Variants in ZNF90 observed in about 807,000 individuals in gnomAD.
ZNF90 encodes zinc finger protein HTF9.
A neutral mutation model predicts 12.0 loss-of-function variants in ZNF90; 11 were observed. That is an observed-to-expected ratio of 0.92 (90% CI 0.58 to 1.52). The LOEUF (loss-of-function observed/expected upper bound fraction) is 1.52, where lower values mean the gene tolerates loss of function less well. ZNF90 is among the 40% of genes most tolerant of loss of function. The probability of loss-of-function intolerance (pLI) is 0.00; values close to 1 mark genes in which losing one functional copy is unlikely to be tolerated. For synonymous variants in ZNF90, 232 were observed against 240.1 expected (o/e 0.97, Z 0.31); for missense variants, 765 against 711.5 (o/e 1.08, Z -0.86).
At chr19:20,113,911 A>G (rs2089113935) in intron 3 of ZNF90, among the ~76,000 whole-genome samples, 1 of 152,196 alleles carries the variant, frequency 6.6e-6, no homozygotes, top group South Asian at 2.1e-4. Flanking sequence ...ATTTGAAGAT[A>G]ATTTCAAAAC....
intron 1 of ZNF90, among the ~76,000 whole-genome samples, chr19:20,079,532 G>A (rs1433764668): frequency 6.6e-6 from 1 of 152,128 alleles, no homozygotes; most frequent in Non-Finnish European, 1.5e-5. Flanking sequence ...TTGCAAAAAC[G>A]TAGGCAGAAA....
At chr19:20,095,552 A>T (rs947592334) in intron 1 of ZNF90, among the ~76,000 whole-genome samples, 1 of 151,976 alleles carries the variant, frequency 6.6e-6, no homozygotes, top group African/African-American at 2.4e-5. Flanking sequence ...ACCCTCCAGA[A>T]AAGCAGGAAG....
chr19:20,115,579 A>G lies in ZNF90; in HGVS notation c.227-2202A>G, dbSNP rs190290089. Among the ~76,000 whole-genome samples, 315 of 152,060 alleles carry G rather than the reference A, an allele frequency of 2.1e-3. 1 individual carries two copies. Among genetic ancestry groups the G allele is most frequent in the Middle Eastern group, 0.02 (6 of 294 alleles). On this transcript the variant is annotated intron_variant, in intron 3 of 3. Coordinates refer to ENST00000418063, the MANE Select transcript of ZNF90 (RefSeq NM_007138.2). ...AAAAAAATAACTTAAGTTATATGCAAAAATTCTTCATCATTACATCTGCTG... is the reference window on the plus strand; with the variant it reads ...AAAAAAATAACTTAAGTTATATGCAGAAATTCTTCATCATTACATCTGCTG...
At chr19:20,099,592 C>T (rs1221589655) in intron 1 of ZNF90, among the ~76,000 whole-genome samples, 1 of 152,296 alleles carries the variant, frequency 6.6e-6, no homozygotes, top group East Asian at 1.9e-4. Flanking sequence ...GACAACTGTC[C>T]TCCAGATCTG....
At chr19:20,117,359 GTTTCTTTTCTTTTTTTTCCTTTCT>G (rs1189291531) in intron 3 of ZNF90, among the ~76,000 whole-genome samples, 2 of 150,256 alleles carry the variant, frequency 1.3e-5, no homozygotes, top group Non-Finnish European at 3.0e-5. Flanking sequence ...TCTTTGTTTC[GTTTCTTTTCTTTTTTTTCCTTTCT>G]TTTCTTTTCT....
At chr19:20,108,852 G>T (rs554540417) in intron 3 of ZNF90, among the ~76,000 whole-genome samples, 4 of 146,378 alleles carry the variant, frequency 2.7e-5, no homozygotes, top group Admixed American at 1.4e-4. Context: ...TCAGCTTCCC[G>T]AGTAGCTGGG....
At chr19:20,088,274 G>A (rs559848350) in intron 1 of ZNF90, among the ~76,000 whole-genome samples, 19 of 152,198 alleles carry the variant, frequency 1.2e-4, no homozygotes, top group Non-Finnish European at 2.4e-4. Context: ...TTGGGGGGGC[G>A]TGGGAACCTA....
At chr19:20,080,060 C>G (rs547339588) in intron 1 of ZNF90, 1 of 334,234 alleles carries the variant, frequency 3.0e-6, no homozygotes, top group South Asian at 2.5e-5. Flanking sequence ...CTCAGCCTCC[C>G]GAGTAGCTGG....
At chr19:20,107,058 G>C (rs551323998) in intron 3 of ZNF90, 17 of 451,974 alleles carry the variant, frequency 3.8e-5, no homozygotes, top group South Asian at 2.3e-4. Flanking sequence ...GTATGGCTCT[G>C]ACTGAGTACC....
chr19:20,106,929 T>C (rs2089044399), intron 3 of ZNF90: 1 of 454,594 alleles, frequency 2.2e-6, no homozygotes, highest in Non-Finnish European at 4.4e-6. Context: ...GTTGTAATTC[T>C]CATTTTATTT....
chr19:20,102,506 G>A (rs1555703989), intron 1 of ZNF90, among the ~76,000 whole-genome samples: 1 of 152,154 alleles, frequency 6.6e-6, no homozygotes, highest in Non-Finnish European at 1.5e-5. Flanking sequence ...CCCCTCCCTT[G>A]CCCAAGTGTA....
At chr19:20,082,002 G>A (rs2088824090) in intron 1 of ZNF90, among the ~76,000 whole-genome samples, 1 of 151,954 alleles carries the variant, frequency 6.6e-6, no homozygotes, top group Non-Finnish European at 1.5e-5. Flanking sequence ...CTGACCTCGT[G>A]ATCCACCCGC....
intron 3 of ZNF90, among the ~76,000 whole-genome samples, chr19:20,115,192 C>A (rs1555705538): frequency 6.6e-6 from 1 of 151,986 alleles, no homozygotes; most frequent in Non-Finnish European, 1.5e-5. Context: ...CACTTTCAGT[C>A]TTTTTTTGTT....
chr19:20,107,032 A>AT, intron 3 of ZNF90: 1 of 454,236 alleles, frequency 2.2e-6, no homozygotes, highest in Non-Finnish European at 4.4e-6. Flanking sequence ...TGGGCCTTGT[A>AT]TCAGGATGTG....
At chr19:20,107,206 G>T in intron 3 of ZNF90, 1 of 337,984 alleles carries the variant, frequency 3.0e-6, no homozygotes, top group Non-Finnish European at 5.8e-6. Context: ...ATGCCTGCCT[G>T]TATAGCTATA....
intron 3 of ZNF90, among the ~76,000 whole-genome samples, chr19:20,109,708 G>T (rs78789433): frequency 8.4e-6 from 1 of 119,342 alleles, no homozygotes; most frequent in Non-Finnish European, 1.7e-5. Flanking sequence ...ACCCATTTCT[G>T]TAAAAAAAAA....
In ZNF90 at chr19:20,095,756, C is replaced by T. The variant is rs141127917; in HGVS notation, c.4-8483C>T. Among the ~76,000 whole-genome samples the T allele has an allele frequency of 8.8e-3, 1,340 of 151,958 alleles. 14 individuals are homozygous for T. Among genetic ancestry groups the T allele is most frequent in the African/African-American group, 0.031 (1,265 of 41,450 alleles). ...TGCCCCCTAGAAAAGTGGGACTTGCCGCTAAGGGTGAAGGAGAAGGGGTTG... is the reference window on the plus strand; with the variant it reads ...TGCCCCCTAGAAAAGTGGGACTTGCTGCTAAGGGTGAAGGAGAAGGGGTTG... On this transcript the variant is annotated intron_variant, in intron 1 of 3. Transcript: ENST00000418063.
chr19:20,106,052 T>C (rs1220465962), intron 3 of ZNF90, among the ~76,000 whole-genome samples: 3 of 143,660 alleles, frequency 2.1e-5, no homozygotes, highest in Non-Finnish European at 4.5e-5. Context: ...TTCTTTTTTT[T>C]TTTTTTTTTT....
intron 1 of ZNF90, among the ~76,000 whole-genome samples, chr19:20,080,996 G>T (rs1021628718): frequency 6.6e-6 from 1 of 152,296 alleles, no homozygotes; most frequent in East Asian, 1.9e-4. Flanking sequence ...CCATTGTCCT[G>T]TGATTCCAGA....
Sources: allele counts gnomAD v4.1 joint callset (sites outside exome capture counted in the v4.1 genomes callset), GRCh38; gene constraint gnomAD v4.1.1; transcripts MANE v1.5; gene names NCBI Gene and HGNC (gene_info 2026-07-23, HGNC 2026-07-21).